The following RBFOX1 variants were observed in gnomAD, a reference collection of about 807,000 sequenced individuals.
RBFOX1 encodes the protein RNA binding fox-1 homolog 1, also known as RNA binding protein fox-1 homolog 1.
Under a neutral mutation model 57.7 loss-of-function variants are expected in RBFOX1, and 8 were observed. The observed-to-expected ratio is 0.14, with a 90% CI of 0.08 to 0.25. RBFOX1 has a LOEUF of 0.25. Ranked by LOEUF, RBFOX1 falls within the 10% of genes least tolerant of loss-of-function variation. The pLI, the probability that RBFOX1 is intolerant of heterozygous loss-of-function variation, is 1.00. For missense variants in RBFOX1, 611 were observed against 548.5 expected, an observed-to-expected ratio of 1.11 and a Z score of -1.14; for synonymous variants, 326 against 222.4, an observed-to-expected ratio of 1.47 and a Z score of -4.15.
chr16:5,819,733 C>T (rs2055777382), intron 3 of RBFOX1, among the ~76,000 whole-genome samples: 1 of 152,222 alleles, frequency 6.6e-6, no homozygotes, highest in Non-Finnish European at 1.5e-5. Context: ...AGGTGAATCA[C>T]AGCTTATCCT....
chr16:6,277,665 CAA>C (rs60150908), intron 1 of RBFOX1, among the ~76,000 whole-genome samples: 83,965 of 118,832 alleles, frequency 0.71, 28,474 homozygotes, highest in East Asian at 0.87. Context: ...GACCTTGTCT[CAA>C]AAAAAAAAAA....
chr16:5,524,837 G>A (rs960519332), intron 2 of RBFOX1, among the ~76,000 whole-genome samples: 10 of 151,714 alleles, frequency 6.6e-5, no homozygotes, highest in East Asian at 3.9e-4. Context: ...CACCGCACCC[G>A]GCCCCTATTC....
intron 3 of RBFOX1, among the ~76,000 whole-genome samples, chr16:6,859,111 G>GTGTATATATATATA (rs1383584385): frequency 3.1e-5 from 2 of 65,124 alleles, no homozygotes; most frequent in Non-Finnish European, 5.5e-5. Context: ...TAAAAAAAGT[G>GTGTATATATATATA]TATATATATA....
chr16:6,986,507 G>C (rs2090320730), intron 3 of RBFOX1, among the ~76,000 whole-genome samples: 1 of 152,124 alleles, frequency 6.6e-6, no homozygotes, highest in Non-Finnish European at 1.5e-5. Context: ...CCCCAGGCTG[G>C]TTTTGAACTC....
chr16:5,659,817 C>A (rs1254693077), intron 3 of RBFOX1, among the ~76,000 whole-genome samples: 1 of 152,150 alleles, frequency 6.6e-6, no homozygotes, highest in Admixed American at 6.5e-5. Flanking sequence ...TCAGTCAAAT[C>A]ATTGGTATTT....
chr16:5,537,972 A>G (rs2044766683), intron 2 of RBFOX1, among the ~76,000 whole-genome samples: 1 of 152,162 alleles, frequency 6.6e-6, no homozygotes, highest in African/African-American at 2.4e-5. Context: ...ACTCACTAGG[A>G]GGTGTGACTC....
At chr16:7,050,740 A>G (rs1431970318) in intron 3 of RBFOX1, among the ~76,000 whole-genome samples, 1 of 152,216 alleles carries the variant, frequency 6.6e-6, no homozygotes, top group East Asian at 1.9e-4. Context: ...ATGCCATACT[A>G]TCAGTATACT....
chr16:6,988,488 T>G (rs934324553), intron 3 of RBFOX1, among the ~76,000 whole-genome samples: 1 of 152,160 alleles, frequency 6.6e-6, no homozygotes, highest in African/African-American at 2.4e-5. Flanking sequence ...GATAACATAT[T>G]GGGCTAAATA....
rs570405396 is a variant in RBFOX1 at position 6,081,258 on chromosome 16, C to G, written c.-127+61266C>G. On this transcript the variant is annotated intron_variant, in intron 1 of 15. Coordinates refer to ENST00000550418, the MANE Select transcript of RBFOX1 (RefSeq NM_018723.4). ...TTGGTTCAGGTTAAAAGCGCCTACCCCTTTCAGCTCAGCCAAGATCATCTC... is the reference window on the plus strand; with the variant it reads ...TTGGTTCAGGTTAAAAGCGCCTACCGCTTTCAGCTCAGCCAAGATCATCTC... Among the ~76,000 whole-genome samples the G allele has an allele frequency of 3.9e-5, 6 of 152,270 alleles. No individual in the cohort carries two copies. The East Asian group carries it at 7.7e-4, about 20-fold the overall frequency.
At chr16:6,750,906 G>T (rs572709104) in intron 3 of RBFOX1, among the ~76,000 whole-genome samples, 3 of 152,148 alleles carry the variant, frequency 2.0e-5, no homozygotes, top group Non-Finnish European at 4.4e-5. Context: ...GTTTTCTTCA[G>T]ATTAGTGGGC....
intron 1 of RBFOX1, among the ~76,000 whole-genome samples, chr16:6,266,770 G>T (rs1464040862): frequency 6.6e-6 from 1 of 151,760 alleles, no homozygotes; most frequent in African/African-American, 2.4e-5. Flanking sequence ...AATCCTAGAA[G>T]AACCTTAGAA....
At position 6,502,668 on chromosome 16, in the gene RBFOX1, A is replaced by T. The variant is rs74386616; in HGVS notation, c.-63-151935A>T. Among the ~76,000 whole-genome samples the T allele has an allele frequency of 4.2e-3, 640 of 152,188 alleles. 10 individuals carry two copies. Among genetic ancestry groups the T allele is most frequent in the Admixed American group, 0.019 (295 of 15,276 alleles). On this transcript the variant is annotated intron_variant, in intron 2 of 15. Coordinates refer to ENST00000550418, the MANE Select transcript of RBFOX1 (RefSeq NM_018723.4). ...AAGTGTTTGTATGTGGAACTTTTCTATTGTTAACTCTTTTACCTCTGCTAA... is the reference window on the plus strand; with the variant it reads ...AAGTGTTTGTATGTGGAACTTTTCTTTTGTTAACTCTTTTACCTCTGCTAA...
At chr16:6,859,129 A>ATATATATATATATATGTATATATATATG (rs1567592071) in intron 3 of RBFOX1, among the ~76,000 whole-genome samples, 11 of 75,670 alleles carry the variant, frequency 1.5e-4, no homozygotes, top group African/African-American at 9.0e-4. Flanking sequence ...ATATATATAT[A>ATATATATATATATATGTATATATATATG]CATATATATA....
chr16:6,154,639 G>T (rs2096826214), intron 1 of RBFOX1, among the ~76,000 whole-genome samples: 1 of 152,176 alleles, frequency 6.6e-6, no homozygotes, highest in South Asian at 2.1e-4. Flanking sequence ...CTTGGTATTG[G>T]AATCAGAAGC....
intron 2 of RBFOX1, among the ~76,000 whole-genome samples, chr16:5,574,710 T>A (rs1232746812): frequency 6.6e-6 from 1 of 152,194 alleles, no homozygotes; most frequent in African/African-American, 2.4e-5. Flanking sequence ...TACATGCTTT[T>A]AAACGTCAAT....
At chr16:5,785,986 C>A (rs997493280) in intron 3 of RBFOX1, among the ~76,000 whole-genome samples, 1 of 152,208 alleles carries the variant, frequency 6.6e-6, no homozygotes, top group Non-Finnish European at 1.5e-5. Context: ...ACCTCCTTCT[C>A]TTGCCATTTC....
chr16:5,545,208 C>T (rs538014080), intron 2 of RBFOX1, among the ~76,000 whole-genome samples: 1 of 152,174 alleles, frequency 6.6e-6, no homozygotes, highest in Admixed American at 6.5e-5. Flanking sequence ...GAAACCTTGA[C>T]CTCAGGTGAT....
chr16:6,842,030 C>G (rs890383245), intron 3 of RBFOX1, among the ~76,000 whole-genome samples: 2 of 151,642 alleles, frequency 1.3e-5, no homozygotes, highest in African/African-American at 4.8e-5. Context: ...GTAGTCCCAG[C>G]TACACGGGAG....
intron 4 of RBFOX1, among the ~76,000 whole-genome samples, chr16:7,070,578 A>T (rs935294121): frequency 3.9e-5 from 6 of 152,198 alleles, no homozygotes; most frequent in Admixed American, 2.6e-4. Context: ...TCTTTTCAAG[A>T]TAGCTGAGTT....
Sources: allele counts gnomAD v4.1 joint callset (sites outside exome capture counted in the v4.1 genomes callset), GRCh38; gene constraint gnomAD v4.1.1; transcripts MANE v1.5; gene names NCBI Gene and HGNC (gene_info 2026-07-23, HGNC 2026-07-21).